NAA11: variants seen among roughly 807,000 people sequenced by gnomAD.
NAA11 encodes the protein N-alpha-acetyltransferase 11.
In NAA11, 15 loss-of-function variants were observed where a neutral mutation model predicts 16.1. That is an observed-to-expected ratio of 0.93 (90% confidence interval 0.62 to 1.44). NAA11 has a LOEUF of 1.44. Ranked by LOEUF, NAA11 falls within the 40% of genes most tolerant of loss-of-function variation. The probability of loss-of-function intolerance (pLI) is 0.00; values close to 1 mark genes in which losing one functional copy is unlikely to be tolerated. For missense variants in NAA11, 298 were observed against 291.3 expected (o/e 1.02, Z -0.17); for synonymous variants, 122 against 112.4 (o/e 1.09, Z -0.54).
chr4:79,252,733 G>A (rs918178005), intron 2 of NAA11, among the ~76,000 whole-genome samples: 1 of 152,122 alleles, frequency 6.6e-6, no homozygotes, highest in African/African-American at 2.4e-5. Flanking sequence ...TTAGCAAGGA[G>A]GCCAGTGGCA....
At chr4:79,301,176 C>T (rs1054476691) in intron 1 of NAA11, among the ~76,000 whole-genome samples, 1 of 152,184 alleles carries the variant, frequency 6.6e-6, no homozygotes, top group Non-Finnish European at 1.5e-5. Flanking sequence ...ATGCCTGCCA[C>T]AGAGTAAGTA....
At chr4:79,296,244 C>T (rs1232654346) in intron 1 of NAA11, among the ~76,000 whole-genome samples, 1 of 152,168 alleles carries the variant, frequency 6.6e-6, no homozygotes, top group Non-Finnish European at 1.5e-5. Context: ...TAATTATCCC[C>T]TTTTTACACA....
At chr4:79,164,902 T>C in the NAA11 span, among the ~76,000 whole-genome samples, 4 of 152,210 alleles carry the variant, frequency 2.6e-5, no homozygotes, top group Non-Finnish European at 2.9e-5. Flanking sequence ...GCTGGTGTTA[T>C]AGCTGGGGAA....
intron 2 of NAA11, among the ~76,000 whole-genome samples, chr4:79,250,323 G>C (rs962734870): frequency 6.6e-6 from 1 of 152,236 alleles, no homozygotes; most frequent in Non-Finnish European, 1.5e-5. Flanking sequence ...CACGTTCAGC[G>C]GGCCCCGCTC....
At chr4:79,312,110 G>T (rs528424132), downstream of NAA11, among the ~76,000 whole-genome samples, 7 of 152,282 alleles carry the variant, frequency 4.6e-5, no homozygotes, top group South Asian at 1.5e-3. Context: ...CGTCTTGATT[G>T]CCAAAGGAGC....
intron 2 of NAA11, among the ~76,000 whole-genome samples, chr4:79,255,355 A>G (rs1722085171): frequency 6.6e-6 from 1 of 152,178 alleles, no homozygotes; most frequent in Non-Finnish European, 1.5e-5. Context: ...ATTAATATCA[A>G]TATTCTGTAT....
At chr4:79,300,254 C>T (rs185965468) in intron 1 of NAA11, among the ~76,000 whole-genome samples, 2 of 152,286 alleles carry the variant, frequency 1.3e-5, no homozygotes, top group East Asian at 1.9e-4. Flanking sequence ...ACAGAGGGAA[C>T]ATTACAATGA....
chr4:79,260,956 A>G (rs1301876739), intron 2 of NAA11, among the ~76,000 whole-genome samples: 3 of 152,240 alleles, frequency 2.0e-5, no homozygotes, highest in Admixed American at 6.5e-5. Flanking sequence ...ATAAAAACCA[A>G]TTGTAAATCC....
the NAA11 span, among the ~76,000 whole-genome samples, chr4:79,167,270 T>TATAGAGAG: frequency 2.5e-3 from 250 of 98,476 alleles, no homozygotes; most frequent in African/African-American, 7.7e-3. Context: ...TATATATATA[T>TATAGAGAG]AGAGAGAGAG....
chr4:79,178,655 G>A, the NAA11 span, among the ~76,000 whole-genome samples: 1 of 152,154 alleles, frequency 6.6e-6, no homozygotes, highest in East Asian at 1.9e-4. Flanking sequence ...CAGTGGAGAA[G>A]ATACATAGTA....
At chr4:79,278,142 C>A (rs909258157) in intron 2 of NAA11, among the ~76,000 whole-genome samples, 6 of 151,950 alleles carry the variant, frequency 3.9e-5, no homozygotes, top group Admixed American at 3.9e-4. Flanking sequence ...TAAATTTTTT[C>A]TTTAACCTCT....
At chr4:79,319,771 T>C (rs1442173514) in intron 1 of NAA11, among the ~76,000 whole-genome samples, 1 of 152,244 alleles carries the variant, frequency 6.6e-6, no homozygotes, top group Non-Finnish European at 1.5e-5. Context: ...TTGAAATCTA[T>C]GGTTTCTGGC....
chr4:79,196,955 C>CCAAAAAAAA, the NAA11 span, among the ~76,000 whole-genome samples: 1 of 86,168 alleles, frequency 1.2e-5, no homozygotes, highest in East Asian at 4.7e-4. Context: ...ATGAAAAAGA[C>CCAAAAAAAA]AAAAAAAAAA....
In NAA11 at chr4:79,303,074, TTTTATATATATA is replaced by T. The variant is rs1217769472; in HGVS notation, c.*13-8972_*13-8961del. Among the ~76,000 whole-genome samples the T allele has an allele frequency of 2.5e-3, 184 of 72,282 alleles. 1 individual carries two copies. Among genetic ancestry groups the T allele is most frequent in the Admixed American group, 0.025 (167 of 6,676 alleles). 47.4% of individuals were successfully genotyped at this position (72,282 alleles called of 152,430 possible). A position where few individuals can be genotyped will look rare whatever the true frequency, so the allele number is the denominator to read the frequency against. On this transcript the variant is annotated intron_variant and NMD_transcript_variant, in intron 1 of 2. Transcript: ENST00000511542. ...TTTTCATTCCTGTTCTCTTGAGGCC[TTTTATATATATA>T]TATATATATATATATATATATATAT...
the NAA11 span, among the ~76,000 whole-genome samples, chr4:79,192,855 G>C: frequency 6.6e-6 from 1 of 151,090 alleles, no homozygotes; most frequent in Non-Finnish European, 1.5e-5. Flanking sequence ...CAGTGTAAAA[G>C]TGTTCCTATT....
the NAA11 span, among the ~76,000 whole-genome samples, chr4:79,205,821 C>T: frequency 6.6e-6 from 1 of 151,986 alleles, no homozygotes; most frequent in Non-Finnish European, 1.5e-5. Context: ...TTTTATTCTT[C>T]TGCATGTGGC....
chr4:79,206,988 T>A, the NAA11 span, among the ~76,000 whole-genome samples: 1 of 152,180 alleles, frequency 6.6e-6, no homozygotes, highest in Non-Finnish European at 1.5e-5. Flanking sequence ...AAGTTCTTAA[T>A]TTGATCTCAG....
downstream of NAA11, among the ~76,000 whole-genome samples, chr4:79,221,626 A>C (rs1721190316): frequency 9.4e-6 from 1 of 106,234 alleles, no homozygotes; most frequent in African/African-American, 2.9e-5. Flanking sequence ...GCATCTATTG[A>C]GATAATCATG....
intron 2 of NAA11, among the ~76,000 whole-genome samples, chr4:79,259,551 G>A (rs1445295233): frequency 1.3e-5 from 2 of 152,238 alleles, no homozygotes; most frequent in Non-Finnish European, 2.9e-5. Context: ...CAGACTGGTA[G>A]CATGAGCCGA....
Sources: allele counts gnomAD v4.1 joint callset (sites outside exome capture counted in the v4.1 genomes callset), GRCh38; gene constraint gnomAD v4.1.1; transcripts MANE v1.5; gene names NCBI Gene and HGNC (gene_info 2026-07-23, HGNC 2026-07-21).